RPS6KA2: variants seen among roughly 807,000 people sequenced by gnomAD.
RPS6KA2 encodes ribosomal protein S6 kinase A2, also known as ribosomal protein S6 kinase alpha-2.
RPS6KA2 carries 42 observed loss-of-function variants against 91.8 expected under a neutral mutation model. The ratio of observed to expected loss-of-function variants is 0.46; its 90% CI spans 0.36 to 0.59. The LOEUF (loss-of-function observed/expected upper bound fraction) is 0.59. Ranked by LOEUF, RPS6KA2 falls within the 20% of genes least tolerant of loss-of-function variation. The pLI, the probability that RPS6KA2 is intolerant of heterozygous loss-of-function variation, is 0.00. For missense variants in RPS6KA2, 798 were observed against 978.5 expected, an observed-to-expected ratio of 0.82 and a Z score of 2.46; for synonymous variants, 414 against 393.6, an observed-to-expected ratio of 1.05 and a Z score of -0.61.
At chr6:166,568,663 C>CAAAAAAAAAAAAAAAAAA (rs1439350254) in intron 1 of RPS6KA2, among the ~76,000 whole-genome samples, 3 of 83,050 alleles carry the variant, frequency 3.6e-5, no homozygotes, top group African/African-American at 8.3e-5. Context: ...AAAAAAAAAG[C>CAAAAAAAAAAAAAAAAAA]AAAATTTTTT....
intron 14 of RPS6KA2, among the ~76,000 whole-genome samples, chr6:166,438,095 A>T (rs1308772501): frequency 6.6e-6 from 1 of 152,214 alleles, no homozygotes. Flanking sequence ...AAGGTAGGAG[A>T]GCATGTAATC....
chr6:166,624,709 A>G (rs1238085641), intron 1 of RPS6KA2, among the ~76,000 whole-genome samples: 1 of 152,192 alleles, frequency 6.6e-6, no homozygotes, highest in African/African-American at 2.4e-5. Flanking sequence ...AAGACTCTCA[A>G]ACTCTCAGGG....
chr6:166,776,266 C>T (rs1258695486), intron 2 of RPS6KA2, among the ~76,000 whole-genome samples: 1 of 152,146 alleles, frequency 6.6e-6, no homozygotes, highest in Non-Finnish European at 1.5e-5. Context: ...CAACGAAAAG[C>T]TGAGTTGTAA....
chr6:166,447,524 T>A (rs1779719007), intron 14 of RPS6KA2, among the ~76,000 whole-genome samples: 1 of 152,206 alleles, frequency 6.6e-6, no homozygotes, highest in African/African-American at 2.4e-5. Flanking sequence ...GCAAAGCGTT[T>A]TCCCAGTGCA....
chr6:166,575,104 C>CT (rs1038480656), intron 1 of RPS6KA2, among the ~76,000 whole-genome samples: 8 of 152,238 alleles, frequency 5.3e-5, no homozygotes, highest in African/African-American at 1.9e-4. Flanking sequence ...CAGCCACCAA[C>CT]AAAACTAGAC....
intron 2 of RPS6KA2, among the ~76,000 whole-genome samples, chr6:166,703,344 G>T (rs1562391839): frequency 6.6e-6 from 1 of 152,258 alleles, no homozygotes; most frequent in Non-Finnish European, 1.5e-5. Flanking sequence ...GTCACTGCAT[G>T]GGAGGGGTGC....
intron 1 of RPS6KA2, among the ~76,000 whole-genome samples, chr6:166,623,122 A>T (rs1165173181): frequency 1.3e-5 from 2 of 152,252 alleles, no homozygotes; most frequent in African/African-American, 4.8e-5. Flanking sequence ...TGCCAGTTAC[A>T]GCTGAAATAG....
At chr6:166,579,484 C>T (rs1784940057) in intron 1 of RPS6KA2, among the ~76,000 whole-genome samples, 1 of 152,146 alleles carries the variant, frequency 6.6e-6, no homozygotes, top group African/African-American at 2.4e-5. Context: ...ATTAAAGATA[C>T]ATTGTTACAC....
intron 2 of RPS6KA2, among the ~76,000 whole-genome samples, chr6:166,844,765 G>C (rs1303675469): frequency 6.6e-6 from 1 of 152,162 alleles, no homozygotes; most frequent in Non-Finnish European, 1.5e-5. Context: ...AGAACTGCTA[G>C]AAGGAGCCCT....
At chr6:166,745,175 G>T (rs1790957867) in intron 2 of RPS6KA2, among the ~76,000 whole-genome samples, 1 of 140,328 alleles carries the variant, frequency 7.1e-6, no homozygotes, top group Non-Finnish European at 1.5e-5. Flanking sequence ...TTTTGAGAGA[G>T]AGTTTTGCCC....
intron 3 of RPS6KA2, among the ~76,000 whole-genome samples, chr6:166,522,287 G>C (rs1472395642): frequency 2.0e-5 from 3 of 152,228 alleles, no homozygotes; most frequent in African/African-American, 7.2e-5. Flanking sequence ...CTGTGAAGAT[G>C]AGCAATGGCT....
intron 1 of RPS6KA2, among the ~76,000 whole-genome samples, chr6:166,604,155 T>A (rs534561035): frequency 6.6e-6 from 1 of 152,278 alleles, no homozygotes; most frequent in African/African-American, 2.4e-5. Flanking sequence ...GTAAAATGCA[T>A]CTGGACCAGC....
chr6:166,649,222 C>T (rs1433291254), intron 2 of RPS6KA2, among the ~76,000 whole-genome samples: 1 of 152,186 alleles, frequency 6.6e-6, no homozygotes. Flanking sequence ...CCCCTGCGCC[C>T]GTCTGCGCTC....
chr6:166,486,061 C>T (rs1320175764), intron 10 of RPS6KA2, among the ~76,000 whole-genome samples: 4 of 152,192 alleles, frequency 2.6e-5, no homozygotes, highest in Admixed American at 1.3e-4. Context: ...AGCTGCACAT[C>T]TCTTGGAAAT....
intron 1 of RPS6KA2, among the ~76,000 whole-genome samples, chr6:166,593,656 C>CG (rs1023726006): frequency 2.6e-4 from 38 of 148,678 alleles, no homozygotes; most frequent in Admixed American, 1.1e-3. Flanking sequence ...AACTGGTTTT[C>CG]GGAAAAAAAA....
intron 2 of RPS6KA2, among the ~76,000 whole-genome samples, chr6:166,843,405 T>G (rs978082707): frequency 6.6e-6 from 1 of 152,208 alleles, no homozygotes; most frequent in Non-Finnish European, 1.5e-5. Context: ...GTCTTCTCCC[T>G]GTACAACCTC....
rs111210805 is a variant in RPS6KA2, at chr6:166,648,111, C to G, written c.124-109327G>C. Reference sequence around the variant, plus strand: ...ACACACACGCTCATACACACACGTGCACACACACGCTCATACACATACATG... The same window carrying G: ...ACACACACGCTCATACACACACGTGGACACACACGCTCATACACATACATG... On this transcript the variant is annotated intron_variant, in intron 2 of 21. Coordinates refer to the RPS6KA2 transcript ENST00000503859. This position sits in a 1 kb window ranked among gnomAD's most constrained non-coding sequence, Gnocchi z 4.8. Among the ~76,000 whole-genome samples, 18,399 of 149,710 alleles carry G rather than the reference C, an allele frequency of 0.12. 1,255 individuals are homozygous for G. The highest frequency in any genetic ancestry group is 0.19 in the East Asian group (958 of 4,976).
At position 166,495,163 on chromosome 6, in the gene RPS6KA2, T is replaced by G. The variant is rs1469270855; in HGVS notation, c.747+3345A>C. ...CACTTAGGCTCTTTCAGCTTTAGTT[T>G]TCATTTCTGTGCACAGAAAGAATAC... On this transcript the variant is annotated intron_variant, in intron 8 of 20. Coordinates refer to ENST00000265678, the MANE Select transcript of RPS6KA2 (RefSeq NM_021135.6). The surrounding 1 kb of genome is among the most constrained non-coding windows in gnomAD (Gnocchi z 4.4). 6.6e-6 allele frequency among the ~76,000 whole-genome samples: 1 copy of G among 152,218 alleles called. No individual in the cohort carries two copies. The highest frequency in any genetic ancestry group is 1.5e-5 in the Non-Finnish European group (1 of 68,040).
At chr6:166,669,972 G>A (rs565407763) in intron 2 of RPS6KA2, among the ~76,000 whole-genome samples, 1 of 152,376 alleles carries the variant, frequency 6.6e-6, no homozygotes, top group South Asian at 2.1e-4. Flanking sequence ...ACTGTGGGTT[G>A]AGGGTTGCTC....
Sources: gnomAD v4.1 joint callset for allele counts (sites outside exome capture counted in the v4.1 genomes callset) on GRCh38, gnomAD v4.1.1 for gene constraint, Gnocchi (gnomAD v3.1) non-coding constraint, MANE v1.5 for transcripts, NCBI Gene and HGNC (gene_info 2026-07-23, HGNC 2026-07-21) for gene names.